The following FBXO21 variants were observed in gnomAD, a reference collection of about 807,000 sequenced individuals.
FBXO21 encodes the protein F-box only protein 21.
In FBXO21, 32 loss-of-function variants were observed where a neutral mutation model predicts 76.6. That is an observed-to-expected ratio of 0.42 (90% confidence interval 0.32 to 0.56). The LOEUF is 0.56. Among genes scored for constraint, FBXO21 ranks in the 20% least tolerant of loss-of-function variants. The pLI, the probability that FBXO21 is intolerant of heterozygous loss-of-function variation, is 0.16. For missense variants in FBXO21, 586 were observed against 797.3 expected, an observed-to-expected ratio of 0.73 and a Z score of 3.19; for synonymous variants, 328 against 311.5, an observed-to-expected ratio of 1.05 and a Z score of -0.56.
intron 11 of FBXO21, among the ~76,000 whole-genome samples, chr12:117,152,753 G>T (rs1955859222): frequency 6.6e-6 from 1 of 152,084 alleles, no homozygotes; most frequent in Admixed American, 6.5e-5. Context: ...TTATGCAGAG[G>T]AATCTCCTTA....
chr12:117,167,899 T>C (rs1320660622), intron 7 of FBXO21, among the ~76,000 whole-genome samples: 1 of 152,232 alleles, frequency 6.6e-6, no homozygotes, highest in Non-Finnish European at 1.5e-5. Flanking sequence ...CCCCTGGCCT[T>C]GATCACACAG....
intron 4 of FBXO21, among the ~76,000 whole-genome samples, chr12:117,175,697 G>A (rs1248007832): frequency 1.3e-5 from 2 of 152,158 alleles, no homozygotes; most frequent in African/African-American, 4.8e-5. Context: ...GCACATTTCT[G>A]AAGTCCGTTC....
chr12:117,190,281 C>T lies in FBXO21; in HGVS notation c.176G>A (p.Cys59Tyr). The T allele has an allele frequency of 6.5e-7, 1 of 1,539,956 alleles. No individual in the cohort carries two copies. The highest frequency in any genetic ancestry group is 2.7e-5 in the East Asian group (1 of 37,238). Residue 59 changes from cysteine (C) to tyrosine (Y), a missense_variant, in exon 1 of 12, where the codon TGC becomes TAC. This residue lies in a region of FBXO21 where 152 missense variants were observed against 127.2 expected (regional missense o/e 1.19). Transcript: ENST00000622495. ...CTGGCACAGCTCGCGCAGCCGCCGGCAGGTGCTGGAGACACGGCCGATGTC... is the reference window on the plus strand; with the variant it reads ...CTGGCACAGCTCGCGCAGCCGCCGGTAGGTGCTGGAGACACGGCCGATGTC... Reference protein sequence around the residue: ...AADIGRVSSTCRRLRELCQSS... With the variant: ...AADIGRVSSTYRRLRELCQSS...
chr12:117,173,507 G>C (rs780079334), intron 6 of FBXO21, among the ~76,000 whole-genome samples: 1 of 152,172 alleles, frequency 6.6e-6, no homozygotes, highest in Non-Finnish European at 1.5e-5. Flanking sequence ...ATGGAACTAG[G>C]CAGAAAGCAA....
chr12:117,189,929 C>A (rs1396237922), intron 1 of FBXO21, among the ~76,000 whole-genome samples: 1 of 152,204 alleles, frequency 6.6e-6, no homozygotes, highest in Non-Finnish European at 1.5e-5. Context: ...CGAAGTCGGG[C>A]ACAAAAGAAG....
intron 2 of FBXO21, 149 bp downstream of exon 2, chr12:117,189,078 A>T: frequency 1.2e-6 from 1 of 835,830 alleles, no homozygotes; most frequent in East Asian, 2.5e-5. Flanking sequence ...GGAAAAGGAC[A>T]CAATGACTCT....
At chr12:117,164,098 T>TA (rs34246022) in intron 9 of FBXO21, among the ~76,000 whole-genome samples, 74,028 of 144,274 alleles carry the variant, frequency 0.51, 18,840 homozygotes, top group Admixed American at 0.63. Flanking sequence ...AGTTTCTATT[T>TA]AAAAAAAAAA....
At chr12:117,179,055 A>G (rs904564533) in intron 3 of FBXO21, among the ~76,000 whole-genome samples, 19 of 152,234 alleles carry the variant, frequency 1.2e-4, no homozygotes, top group African/African-American at 4.6e-4. Context: ...GGAGAGAGAC[A>G]GTGATGAAAC....
Position 117,189,361 on chromosome 12 carries a change from A to G in FBXO21, c.241T>C (p.Trp81Arg). 1 of 1,614,158 alleles carries G rather than the reference A, an allele frequency of 6.2e-7. No individual in the cohort carries two copies. Among genetic ancestry groups the G allele is most frequent in the Non-Finnish European group, 8.5e-7 (1 of 1,180,030 alleles). Residue 81 changes from tryptophan (W) to arginine (R), a missense_variant and splice_region_variant, in exon 2 of 12, where the codon TGG (tryptophan) becomes CGG (arginine). Around this residue, in one of 6 missense-constraint regions of FBXO21, gnomAD observed 152 missense variants for 127.2 expected, o/e 1.19. Coordinates refer to ENST00000622495, the MANE Select transcript of FBXO21 (RefSeq NM_015002.3). ...KVWKEQFRVR[W>R]PSLMKHYSPT... ...CTGTAGTGTTTCATAAGGGAAGGCC[A>G]CCTACGAGGAGAGAAACACCCCCTC...
At chr12:117,174,484 G>T in intron 5 of FBXO21, 143 bp from the exon 6 acceptor site, 1 of 1,181,748 alleles carries the variant, frequency 8.5e-7, no homozygotes, top group Non-Finnish European at 1.2e-6. Flanking sequence ...AAGGCAGTAT[G>T]TATTTGAAGT....
chr12:117,162,291 T>G (rs1955988539), intron 9 of FBXO21, among the ~76,000 whole-genome samples: 1 of 152,240 alleles, frequency 6.6e-6, no homozygotes, highest in African/African-American at 2.4e-5. Context: ...GTGTGCTGGC[T>G]TCTTCAGAAG....
chr12:117,183,148 G>A (rs771002381), intron 3 of FBXO21, among the ~76,000 whole-genome samples: 26 of 151,890 alleles, frequency 1.7e-4, no homozygotes, highest in Non-Finnish European at 2.5e-4. Context: ...TAACCTATTC[G>A]TATTTATTTC....
intron 1 of FBXO21, among the ~76,000 whole-genome samples, chr12:117,189,954 G>A (rs767215602): frequency 1.3e-5 from 2 of 152,142 alleles, no homozygotes; most frequent in Non-Finnish European, 2.9e-5. Context: ...CAAAAGGGAC[G>A]AGCCGCGCCG....
At chr12:117,179,484 A>C (rs1462656720) in intron 3 of FBXO21, among the ~76,000 whole-genome samples, 1 of 151,968 alleles carries the variant, frequency 6.6e-6, no homozygotes, top group Non-Finnish European at 1.5e-5. Context: ...TTATTTGTTG[A>C]AGAACCTGGG....
chr12:117,180,821 G>C (rs1025666488), intron 3 of FBXO21, among the ~76,000 whole-genome samples: 5 of 151,648 alleles, frequency 3.3e-5, no homozygotes, highest in African/African-American at 1.2e-4. Context: ...TTTTAGTAGA[G>C]ACGAGGTTTC....
At chr12:117,148,282 G>A (rs1269541198) in intron 11 of FBXO21, among the ~76,000 whole-genome samples, 1 of 152,232 alleles carries the variant, frequency 6.6e-6, no homozygotes, top group Non-Finnish European at 1.5e-5. Flanking sequence ...CGCTGAGGAA[G>A]TCACAGACAC....
intron 3 of FBXO21, among the ~76,000 whole-genome samples, chr12:117,185,502 A>G (rs1202498444): frequency 6.6e-6 from 1 of 152,378 alleles, no homozygotes; most frequent in South Asian, 2.1e-4. Context: ...TTTCCACAGG[A>G]AAGTTAGGCT....
intron 7 of FBXO21, among the ~76,000 whole-genome samples, chr12:117,171,417 T>C (rs986032862): frequency 4.0e-5 from 6 of 148,544 alleles, no homozygotes; most frequent in African/African-American, 1.5e-4. Flanking sequence ...TGGTTAGCTC[T>C]GGAGAGGAGA....
intron 6 of FBXO21, among the ~76,000 whole-genome samples, chr12:117,173,301 G>C (rs752307612): frequency 9.2e-5 from 14 of 152,152 alleles, no homozygotes; most frequent in Non-Finnish European, 1.9e-4. Context: ...AAACTGCTGG[G>C]ATTACAATGT....
Sources: allele counts gnomAD v4.1 joint callset (sites outside exome capture counted in the v4.1 genomes callset), GRCh38; gene constraint gnomAD v4.1.1; regional missense constraint gnomAD v4.1.1; transcripts MANE v1.5; gene names NCBI Gene and HGNC (gene_info 2026-07-23, HGNC 2026-07-21).